ARB2A: variants seen among roughly 807,000 people sequenced by gnomAD.
The protein encoded by ARB2A is ARB2 cotranscriptional regulator A.
chr5:94,059,570 G>A, the ARB2A span, among the ~76,000 whole-genome samples: 4 of 123,172 alleles, frequency 3.2e-5, no homozygotes, highest in Non-Finnish European at 6.4e-5. Context: ...GCAGTGAGCC[G>A]AGATCACACC....
chr5:93,720,594 A>C, the ARB2A span, among the ~76,000 whole-genome samples: 1 of 152,224 alleles, frequency 6.6e-6, no homozygotes, highest in African/African-American at 2.4e-5. Flanking sequence ...CATTAAGAGA[A>C]AAAATGAAAA....
At chr5:93,819,237 G>C in the ARB2A span, among the ~76,000 whole-genome samples, 1 of 148,262 alleles carries the variant, frequency 6.7e-6, no homozygotes, top group African/African-American at 2.5e-5. Context: ...TCAACTAACT[G>C]TGCAGATATT....
At chr5:93,712,241 TGAAAACAAAA>T in the ARB2A span, among the ~76,000 whole-genome samples, 1 of 151,910 alleles carries the variant, frequency 6.6e-6, no homozygotes, top group African/African-American at 2.4e-5. Flanking sequence ...AAATTAAAAT[TGAAAACAAAA>T]CAAAACAAAA....
chr5:93,854,594 T>G, the ARB2A span, among the ~76,000 whole-genome samples: 6 of 152,164 alleles, frequency 3.9e-5, no homozygotes, highest in African/African-American at 1.2e-4. Flanking sequence ...TGGGCATTTA[T>G]TGCTATAAAT....
chr5:93,677,302 TCTGA>T, the ARB2A span, among the ~76,000 whole-genome samples: 3 of 152,332 alleles, frequency 2.0e-5, no homozygotes, highest in Middle Eastern at 3.4e-3. Flanking sequence ...TGAGTGACTC[TCTGA>T]CTGTCTTAAC....
the ARB2A span, chr5:93,881,705 G>A: frequency 6.9e-7 from 1 of 1,451,502 alleles, no homozygotes; most frequent in East Asian, 2.4e-5. Flanking sequence ...TGAAATGAAA[G>A]AAGGTAGCAT....
chr5:94,024,743 T>G, the ARB2A span, among the ~76,000 whole-genome samples: 1 of 152,186 alleles, frequency 6.6e-6, no homozygotes, highest in African/African-American at 2.4e-5. Flanking sequence ...GAGGTTGATC[T>G]AAGCTTGAAA....
At chr5:93,713,498 A>G in the ARB2A span, among the ~76,000 whole-genome samples, 1 of 152,238 alleles carries the variant, frequency 6.6e-6, no homozygotes, top group Non-Finnish European at 1.5e-5. Context: ...AATCAAAACT[A>G]CAATGAGATA....
chr5:93,934,761 A>G, the ARB2A span, among the ~76,000 whole-genome samples: 4 of 152,220 alleles, frequency 2.6e-5, no homozygotes, highest in Non-Finnish European at 4.4e-5. Context: ...CATGTCAATG[A>G]CAGCCATACT....
the ARB2A span, among the ~76,000 whole-genome samples, chr5:93,767,410 G>C: frequency 6.6e-6 from 1 of 152,112 alleles, no homozygotes. Context: ...GTGGTGATGA[G>C]GGAGCACTTC....
chr5:94,071,673 T>C, the ARB2A span, among the ~76,000 whole-genome samples: 1 of 152,142 alleles, frequency 6.6e-6, no homozygotes, highest in Admixed American at 6.5e-5. Flanking sequence ...TATCACTATG[T>C]ACCTAATAAA....
At chr5:93,830,291 G>GTA in the ARB2A span, among the ~76,000 whole-genome samples, 44,260 of 83,906 alleles carry the variant, frequency 0.53, 14,231 homozygotes, top group South Asian at 0.66. Flanking sequence ...ATATTTATAT[G>GTA]TATATATATG....
At chr5:93,741,001 A>T in the ARB2A span, 1 of 1,613,750 alleles carries the variant, frequency 6.2e-7, no homozygotes, top group Non-Finnish European at 8.5e-7. Flanking sequence ...CACTTCCTTC[A>T]GCCACTTTTT....
At chr5:93,947,580 T>C in the ARB2A span, among the ~76,000 whole-genome samples, 8 of 151,368 alleles carry the variant, frequency 5.3e-5, no homozygotes, top group Middle Eastern at 3.4e-3. Context: ...GTTAGTTACG[T>C]ATGTATACAT....
At chr5:93,970,745 G>A in the ARB2A span, among the ~76,000 whole-genome samples, 4 of 152,084 alleles carry the variant, frequency 2.6e-5, no homozygotes, top group African/African-American at 9.7e-5. Flanking sequence ...TTTTCTGCTT[G>A]AAATAATTAC....
chr5:93,788,473 G>A, the ARB2A span, among the ~76,000 whole-genome samples: 3 of 152,044 alleles, frequency 2.0e-5, no homozygotes, highest in South Asian at 2.1e-4. Flanking sequence ...CTAATTTACC[G>A]CACCATGCTT....
At chr5:93,728,703 G>T in the ARB2A span, among the ~76,000 whole-genome samples, 2 of 151,976 alleles carry the variant, frequency 1.3e-5, no homozygotes, top group African/African-American at 4.8e-5. Flanking sequence ...GTTCCTGGAA[G>T]AAAGGCCGTT....
At chr5:94,038,206 T>C in the ARB2A span, among the ~76,000 whole-genome samples, 1 of 152,074 alleles carries the variant, frequency 6.6e-6, no homozygotes, top group East Asian at 1.9e-4. Context: ...AAGAGAAAAC[T>C]GATAAAATTT....
At chr5:93,641,199 CAA>C in the ARB2A span, among the ~76,000 whole-genome samples, 8 of 100,912 alleles carry the variant, frequency 7.9e-5, no homozygotes, top group Admixed American at 1.1e-4. Context: ...GATTCTGACT[CAA>C]AAAAAAAAAA....
Sources: allele counts gnomAD v4.1 joint callset (sites outside exome capture counted in the v4.1 genomes callset), GRCh38; gene constraint gnomAD v4.1.1; transcripts MANE v1.5; gene names NCBI Gene and HGNC (gene_info 2026-07-23, HGNC 2026-07-21).